RGS6: variants seen among roughly 807,000 people sequenced by gnomAD.
RGS6 encodes regulator of G protein signaling 6, also known as regulator of G-protein signaling 6.
Under a neutral mutation model 78.5 loss-of-function variants are expected in RGS6, and 30 were observed. The ratio of observed to expected loss-of-function variants is 0.38; its 90% CI spans 0.29 to 0.52. RGS6 has a LOEUF of 0.52. Among genes scored for constraint, RGS6 ranks in the 20% least tolerant of loss-of-function variants. The pLI, the probability that RGS6 is intolerant of heterozygous loss-of-function variation, is 0.85. For synonymous variants in RGS6, 206 were observed against 206.0 expected (o/e 1.00, Z 0.00); for missense variants, 495 against 609.7 (o/e 0.81, Z 1.98).
At chr14:72,259,773 C>T (rs531528030) in intron 2 of RGS6, among the ~76,000 whole-genome samples, 40 of 151,894 alleles carry the variant, frequency 2.6e-4, no homozygotes, top group African/African-American at 9.2e-4. Flanking sequence ...TAGCCAGGCG[C>T]GGTGGCAGGC....
At chr14:72,241,020 G>A (rs1600237302) in intron 2 of RGS6, among the ~76,000 whole-genome samples, 1 of 152,134 alleles carries the variant, frequency 6.6e-6, no homozygotes, top group East Asian at 1.9e-4. Context: ...AGCTGGGCAT[G>A]GTGGCATGCA....
At chr14:72,333,250 A>G (rs546314786) in intron 2 of RGS6, among the ~76,000 whole-genome samples, 1 of 152,346 alleles carries the variant, frequency 6.6e-6, no homozygotes, top group Admixed American at 6.5e-5. Flanking sequence ...TGTGAATATC[A>G]TGATATCAAG....
intron 4 of RGS6, among the ~76,000 whole-genome samples, chr14:72,456,627 G>T (rs1369263019): frequency 6.6e-6 from 1 of 152,126 alleles, no homozygotes; most frequent in African/African-American, 2.4e-5. Flanking sequence ...AAACATTTTT[G>T]CTCAGAGAAT....
At chr14:72,407,939 A>G (rs1397226786) in intron 3 of RGS6, among the ~76,000 whole-genome samples, 1 of 152,230 alleles carries the variant, frequency 6.6e-6, no homozygotes, top group African/African-American at 2.4e-5. Context: ...TGTATAGCCA[A>G]CTATGAAACC....
chr14:72,189,447 A>G (rs542245203), intron 2 of RGS6, among the ~76,000 whole-genome samples: 2 of 152,340 alleles, frequency 1.3e-5, no homozygotes, highest in South Asian at 4.1e-4. Context: ...ATGTGTTGAT[A>G]AATACTGCAA....
intron 3 of RGS6, among the ~76,000 whole-genome samples, chr14:72,417,204 A>T (rs1375423800): frequency 6.6e-6 from 1 of 152,232 alleles, no homozygotes; most frequent in South Asian, 2.1e-4. Context: ...GCACTCAGCT[A>T]TGAAAAAATG....
intron 1 of RGS6, among the ~76,000 whole-genome samples, chr14:71,953,914 A>AT (rs2153004629): frequency 2.2e-5 from 2 of 91,918 alleles, no homozygotes; most frequent in Admixed American, 2.4e-4. Flanking sequence ...GAAAGTCTTT[A>AT]TTTTTTCTCC....
the RGS6 span, among the ~76,000 whole-genome samples, chr14:71,886,672 T>C: frequency 8.5e-5 from 13 of 152,330 alleles, no homozygotes; most frequent in East Asian, 2.5e-3. Context: ...TTGCAAGGTA[T>C]ATCTTTAATT....
intron 2 of RGS6, among the ~76,000 whole-genome samples, chr14:71,990,169 G>C (rs1279433313): frequency 6.6e-6 from 1 of 151,592 alleles, no homozygotes; most frequent in East Asian, 2.0e-4. Context: ...CAGCAGCCCA[G>C]CACGAAGTCA....
At chr14:72,293,947 C>T (rs2064162538) in intron 2 of RGS6, among the ~76,000 whole-genome samples, 3 of 152,318 alleles carry the variant, frequency 2.0e-5, no homozygotes, top group Admixed American at 6.5e-5. Flanking sequence ...CACAGACCCT[C>T]GTTTGCCAAT....
intron 2 of RGS6, among the ~76,000 whole-genome samples, chr14:72,306,699 T>C (rs2067321915): frequency 6.6e-6 from 1 of 152,222 alleles, no homozygotes; most frequent in Non-Finnish European, 1.5e-5. Flanking sequence ...AAGCAGAGCC[T>C]GAAGATGTGA....
intron 1 of RGS6, among the ~76,000 whole-genome samples, chr14:71,950,754 T>C (rs1438336163): frequency 2.0e-5 from 3 of 152,080 alleles, no homozygotes; most frequent in Admixed American, 6.5e-5. Context: ...GCAAAGGACT[T>C]GAACAGACAC....
chr14:72,547,135 C>G, intron 17 of RGS6: 1 of 1,531,348 alleles, frequency 6.5e-7, no homozygotes, highest in Non-Finnish European at 8.7e-7. Flanking sequence ...ACTCAGAAGA[C>G]AGGATGCCCG....
chr14:72,271,294 C>T (rs532019995), intron 2 of RGS6, among the ~76,000 whole-genome samples: 24 of 152,250 alleles, frequency 1.6e-4, no homozygotes, highest in Non-Finnish European at 2.2e-4. Context: ...AGCAAAGGGA[C>T]GTCTTACATG....
chr14:72,266,261 G>C (rs2059056557), intron 2 of RGS6, among the ~76,000 whole-genome samples: 1 of 152,122 alleles, frequency 6.6e-6, no homozygotes, highest in Admixed American at 6.5e-5. Flanking sequence ...TGTCCACTGG[G>C]GCTTCCACAC....
At chr14:72,494,664 A>G (rs2096620941) in intron 12 of RGS6, among the ~76,000 whole-genome samples, 1 of 152,188 alleles carries the variant, frequency 6.6e-6, no homozygotes, top group African/African-American at 2.4e-5. Flanking sequence ...TTGGAAAAAA[A>G]TGCAAATGTT....
intron 6 of RGS6, among the ~76,000 whole-genome samples, chr14:72,465,388 C>G (rs980619607): frequency 6.6e-6 from 1 of 151,788 alleles, no homozygotes; most frequent in Non-Finnish European, 1.5e-5. Flanking sequence ...TGGAGGAGTC[C>G]TCATTTGATC....
At chr14:72,408,215 A>G (rs770735302) in intron 3 of RGS6, among the ~76,000 whole-genome samples, 2 of 152,226 alleles carry the variant, frequency 1.3e-5, no homozygotes, top group Non-Finnish European at 1.5e-5. Flanking sequence ...CAGCAGTTTT[A>G]GATCAACTCG....
chr14:72,554,498 C>T (rs1035696299), intron 17 of RGS6, among the ~76,000 whole-genome samples: 1 of 152,186 alleles, frequency 6.6e-6, no homozygotes, highest in Non-Finnish European at 1.5e-5. Context: ...ACAGCCATGT[C>T]CCTGTTTCCT....
Sources: allele counts gnomAD v4.1 joint callset (sites outside exome capture counted in the v4.1 genomes callset), GRCh38; gene constraint gnomAD v4.1.1; transcripts MANE v1.5; gene names NCBI Gene and HGNC (gene_info 2026-07-23, HGNC 2026-07-21).